ZNF407: variants seen among roughly 807,000 people sequenced by gnomAD.
ZNF407 encodes zinc finger protein 407.
A neutral mutation model predicts 131.2 loss-of-function variants in ZNF407; 17 were observed. The ratio of observed to expected loss-of-function variants is 0.13; its 90% CI spans 0.09 to 0.19. The LOEUF (loss-of-function observed/expected upper bound fraction) is 0.19, where lower values mean the gene tolerates loss of function less well. Ranked by LOEUF, ZNF407 falls within the 10% of genes least tolerant of loss-of-function variation. The pLI, the probability that ZNF407 is intolerant of heterozygous loss-of-function variation, is 1.00. For synonymous variants in ZNF407, 1,156 were observed against 1,062.0 expected (o/e 1.09, Z -1.72); for missense variants, 2,681 against 2,830.6 (o/e 0.95, Z 1.20).
chr18:74,889,994 C>G lies in ZNF407; in HGVS notation c.5205C>G (p.Val1735=), dbSNP rs774437411. ...CCCATTTGACTCGGCATAAACGTGT[C>G]CACACTGGAGAAAAGCCCTACAGAT... ...TQSHLTRHKR[V]HTGEKPYRCP... The change falls in exon 7 of 9, where the codon GTC becomes GTG. Residue 1735 remains valine (V), a synonymous_variant. Coordinates refer to ENST00000299687, the MANE Select transcript of ZNF407 (RefSeq NM_017757.3). 1 of 1,604,982 alleles carries G rather than the reference C, an allele frequency of 6.2e-7. No homozygotes were observed. Among genetic ancestry groups the G allele is most frequent in the Non-Finnish European group, 8.5e-7 (1 of 1,175,488 alleles).
chr18:75,043,889 C>A (rs1308791353), intron 8 of ZNF407, among the ~76,000 whole-genome samples: 1 of 152,100 alleles, frequency 6.6e-6, no homozygotes, highest in Non-Finnish European at 1.5e-5. Flanking sequence ...ACAGGGGAAC[C>A]AGCTAGTTTG....
intron 3 of ZNF407, among the ~76,000 whole-genome samples, chr18:74,705,134 G>C (rs911014490): frequency 7.3e-6 from 1 of 137,796 alleles, no homozygotes; most frequent in Non-Finnish European, 1.5e-5. Context: ...ATGGTGTTTT[G>C]ACTTGAGAAA....
At chr18:74,614,980 C>A (rs1178785630) in intron 1 of ZNF407, among the ~76,000 whole-genome samples, 1 of 152,202 alleles carries the variant, frequency 6.6e-6, no homozygotes, top group Admixed American at 6.5e-5. Flanking sequence ...GACTCCCTTG[C>A]AGCTAAGCAG....
intron 1 of ZNF407, among the ~76,000 whole-genome samples, chr18:74,600,290 C>G (rs1982523653): frequency 6.6e-6 from 1 of 152,214 alleles, no homozygotes; most frequent in Non-Finnish European, 1.5e-5. Context: ...AAGAGGCTGG[C>G]TGGCTGGGGC....
chr18:74,968,339 A>G (rs2145300148), intron 8 of ZNF407, among the ~76,000 whole-genome samples: 2 of 152,220 alleles, frequency 1.3e-5, no homozygotes, highest in Middle Eastern at 6.8e-3. Flanking sequence ...CTCAAATGTG[A>G]TTTATAAATC....
intron 7 of ZNF407, among the ~76,000 whole-genome samples, chr18:74,893,947 A>G (rs1309987364): frequency 6.6e-6 from 1 of 152,132 alleles, no homozygotes; most frequent in Admixed American, 6.5e-5. Context: ...TAGAAACTGA[A>G]ATATTATTTA....
At chr18:74,912,610 A>AG (rs1446634253) in intron 7 of ZNF407, among the ~76,000 whole-genome samples, 1 of 152,242 alleles carries the variant, frequency 6.6e-6, no homozygotes, top group Non-Finnish European at 1.5e-5. Flanking sequence ...AACTTACTGT[A>AG]GGTTGATTTT....
intron 1 of ZNF407, among the ~76,000 whole-genome samples, chr18:74,601,074 G>A (rs1372643041): frequency 6.6e-6 from 1 of 152,192 alleles, no homozygotes; most frequent in African/African-American, 2.4e-5. Flanking sequence ...TGGATTCGGG[G>A]ATGGAGTAGG....
chr18:75,042,265 T>C (rs1039006595), intron 8 of ZNF407, among the ~76,000 whole-genome samples: 8 of 152,176 alleles, frequency 5.3e-5, no homozygotes, highest in Non-Finnish European at 1.2e-4. Flanking sequence ...TTCAGCCTTA[T>C]GATTTTTGTA....
intron 4 of ZNF407, among the ~76,000 whole-genome samples, chr18:74,829,140 A>C (rs1359300969): frequency 6.6e-6 from 1 of 152,248 alleles, no homozygotes; most frequent in African/African-American, 2.4e-5. Context: ...ATAAAATAAA[A>C]AGAACTGTCA....
rs529919654 is a variant in ZNF407, at chr18:74,688,775, GC to G, written c.4802+47654del. Among the ~76,000 whole-genome samples the G allele has an allele frequency of 1.4e-3, 208 of 152,276 alleles. 1 individual carries two copies. The highest frequency in any genetic ancestry group is 4.6e-3 in the African/African-American group (192 of 41,550). On this transcript the variant is annotated intron_variant, in intron 3 of 8. Coordinates refer to ENST00000299687, the MANE Select transcript of ZNF407 (RefSeq NM_017757.3). ...TTTTTTGCATTGAGTCTACAGGACA[GC>G]TTAGAGGGACTGACATCTTAACAAT...
intron 3 of ZNF407, among the ~76,000 whole-genome samples, chr18:74,762,186 A>C (rs1969110797): frequency 6.6e-6 from 1 of 152,056 alleles, no homozygotes; most frequent in Non-Finnish European, 1.5e-5. Flanking sequence ...TAATTTAGGA[A>C]ACAATGTCTG....
chr18:74,953,679 A>G (rs79556239), intron 8 of ZNF407, among the ~76,000 whole-genome samples: 1,909 of 152,354 alleles, frequency 0.013, 29 homozygotes, highest in Non-Finnish European at 0.019. Flanking sequence ...AATTGAAAAT[A>G]TGTAAATATA....
intron 4 of ZNF407, among the ~76,000 whole-genome samples, chr18:74,827,524 A>C (rs1017831642): frequency 1.3e-4 from 20 of 151,800 alleles, no homozygotes; most frequent in African/African-American, 4.8e-4. Context: ...TGGGAGCCTC[A>C]TCAAGCCACC....
chr18:75,064,306 C>G lies in ZNF407; in HGVS notation c.6585C>G (p.Asp2195Glu). 2 of 1,601,422 alleles carry G rather than the reference C, an allele frequency of 1.2e-6. No homozygotes were observed. The highest frequency in any genetic ancestry group is 1.7e-6 in the Non-Finnish European group (2 of 1,174,898). ...LYSHTVLETA[D>E]SQELLQAGAT... ...CCCACACCGTGCTGGAGACTGCGGA[C>G]TCGCAGGAACTCCTGCAGGCCGGGG... Residue 2195 changes from aspartate to glutamate, a missense_variant, in exon 9 of 9, where the codon GAC (aspartate) becomes GAG (glutamate). Transcript: ENST00000299687.
At chr18:74,742,552 A>G (rs546777382) in intron 3 of ZNF407, among the ~76,000 whole-genome samples, 11 of 151,970 alleles carry the variant, frequency 7.2e-5, no homozygotes, top group African/African-American at 2.7e-4. Flanking sequence ...TGAGTACTCA[A>G]CTCTACCCTT....
chr18:75,018,306 A>G (rs1034040096), intron 8 of ZNF407, among the ~76,000 whole-genome samples: 6 of 152,162 alleles, frequency 3.9e-5, no homozygotes, highest in East Asian at 3.9e-4. Context: ...AAATACTTAT[A>G]TAATAGGAGG....
intron 3 of ZNF407, among the ~76,000 whole-genome samples, chr18:74,701,603 T>C (rs776039245): frequency 6.6e-6 from 1 of 152,138 alleles, no homozygotes; most frequent in Non-Finnish European, 1.5e-5. Context: ...CCAACTACCA[T>C]GGAAGGTAAC....
chr18:74,942,537 T>C (rs553042400), intron 8 of ZNF407, among the ~76,000 whole-genome samples: 4 of 152,348 alleles, frequency 2.6e-5, no homozygotes, highest in Middle Eastern at 3.4e-3. Flanking sequence ...TAAGAAATCT[T>C]TTTAATCTTT....
Sources: allele counts gnomAD v4.1 joint callset (sites outside exome capture counted in the v4.1 genomes callset), GRCh38; gene constraint gnomAD v4.1.1; transcripts MANE v1.5; gene names NCBI Gene and HGNC (gene_info 2026-07-23, HGNC 2026-07-21).